The following ERBB4 variants were observed in gnomAD, a reference collection of about 807,000 sequenced individuals.
The protein encoded by ERBB4 is receptor tyrosine-protein kinase erbB-4.
Under a neutral mutation model 158.0 loss-of-function variants are expected in ERBB4, and 42 were observed. The observed-to-expected ratio is 0.27, with a 90% CI of 0.21 to 0.34. ERBB4 has a LOEUF of 0.34. Ranked by LOEUF, ERBB4 falls within the 10% of genes least tolerant of loss-of-function variation. The pLI, the probability that ERBB4 is intolerant of heterozygous loss-of-function variation, is 1.00. For missense variants in ERBB4, 1,333 were observed against 1,624.1 expected (o/e 0.82, Z 3.08); for synonymous variants, 583 against 558.7 (o/e 1.04, Z -0.61).
chr2:212,342,847 A>C (rs2088789694), intron 1 of ERBB4, among the ~76,000 whole-genome samples: 1 of 152,250 alleles, frequency 6.6e-6, no homozygotes, highest in African/African-American at 2.4e-5. Flanking sequence ...TTTTAAAAGT[A>C]GTATTCTTCT....
intron 1 of ERBB4, among the ~76,000 whole-genome samples, chr2:212,193,797 A>C (rs777746291): frequency 6.6e-6 from 1 of 152,142 alleles, no homozygotes; most frequent in Non-Finnish European, 1.5e-5. Context: ...ATGTATGTAG[A>C]TGAGTAATTC....
intron 2 of ERBB4, among the ~76,000 whole-genome samples, chr2:212,103,448 T>A (rs1243387369): frequency 1.3e-5 from 2 of 152,112 alleles, no homozygotes; most frequent in Non-Finnish European, 2.9e-5. Context: ...ATATTATTTT[T>A]AAAAATGCAA....
At chr2:211,944,208 A>ATATATATAG (rs1559155364) in intron 3 of ERBB4, among the ~76,000 whole-genome samples, 2 of 19,466 alleles carry the variant, frequency 1.0e-4, no homozygotes, top group African/African-American at 3.5e-4. Flanking sequence ...TACTATATAT[A>ATATATATAG]TATATACACA....
At position 212,312,599 on chromosome 2, in the gene ERBB4, C is replaced by A. The variant is rs186143881; in HGVS notation, c.83-187696G>T. ...TTCTAATTAAACTATTTTAAGCATG[C>A]AAGCAATATATATAGTTCTGTAAAA... On this transcript the variant is annotated intron_variant, in intron 1 of 27. Coordinates refer to ENST00000342788, the MANE Select transcript of ERBB4 (RefSeq NM_005235.3). 6.6e-3 allele frequency among the ~76,000 whole-genome samples: 994 copies of A among 150,782 alleles called. 9 individuals carry two copies. Among genetic ancestry groups the A allele is most frequent in the African/African-American group, 0.022 (902 of 41,282 alleles).
chr2:211,461,346 G>A (rs1363999142), intron 20 of ERBB4, among the ~76,000 whole-genome samples: 1 of 152,060 alleles, frequency 6.6e-6, no homozygotes, highest in Non-Finnish European at 1.5e-5. Context: ...TGATTTCAAG[G>A]TAGAAGAAAA....
In ERBB4 at chr2:212,182,915, C is replaced by A. The variant is rs547703597; in HGVS notation, c.83-58012G>T. 4.0e-5 allele frequency among the ~76,000 whole-genome samples: 6 copies of A among 151,008 alleles called. No homozygotes were observed. The East Asian group carries it at 9.7e-4, about 25-fold the overall frequency. ...TTGATTTTTAAGATGAATATTTTAA[C>A]CTAATAAATTATAAACAAGAGGAAA... On this transcript the variant is annotated intron_variant, in intron 1 of 27. Coordinates refer to ENST00000342788, the MANE Select transcript of ERBB4 (RefSeq NM_005235.3).
intron 1 of ERBB4, among the ~76,000 whole-genome samples, chr2:212,446,624 T>TATATATATAC: frequency 1.2e-5 from 1 of 80,584 alleles, no homozygotes; most frequent in East Asian, 3.7e-4. Flanking sequence ...TATATATATA[T>TATATATATAC]ATATATATAT....
Position 212,373,800 on chromosome 2 carries a change from C to CATGTATATATCCAT in ERBB4, c.82+164648_82+164649insATGGATATATACAT, listed in dbSNP as rs2090176242. Among the ~76,000 whole-genome samples, 3 of 90,322 alleles carry CATGTATATATCCAT rather than the reference C, an allele frequency of 3.3e-5. 1 individual carries two copies. Among genetic ancestry groups the CATGTATATATCCAT allele is most frequent in the African/African-American group, 1.3e-4 (3 of 23,256 alleles). The allele number at this position is 90,322 out of a possible 152,430, so 59.3% of individuals were successfully genotyped here. A position where few individuals can be genotyped will look rare whatever the true frequency, so the allele number is the denominator to read the frequency against. ...ATGTATATATCCACGTATATATATC[C>CATGTATATATCCAT]ATATATATATCCATGTATATATCCA... On this transcript the variant is annotated intron_variant, in intron 1 of 27. Coordinates refer to ENST00000342788, the MANE Select transcript of ERBB4 (RefSeq NM_005235.3).
rs547769969 is a variant in ERBB4, at chr2:211,567,164, C to T, written c.2302-5076G>A. On this transcript the variant is annotated intron_variant, in intron 19 of 27. Transcript: ENST00000342788. ...GGAAACCAAAACTCAATGAGATTACCGGCCCAGGTCATGTGACTTGTTAGT... is the reference window on the plus strand; with the variant it reads ...GGAAACCAAAACTCAATGAGATTACTGGCCCAGGTCATGTGACTTGTTAGT... Among the ~76,000 whole-genome samples, 12 of 152,268 alleles carry T rather than the reference C, an allele frequency of 7.9e-5. No homozygotes were observed. In the East Asian group the frequency reaches 2.1e-3, roughly 27 times the overall value.
At position 211,788,134 on chromosome 2, in the gene ERBB4, T is replaced by C. The variant is rs1559519858; in HGVS notation, c.447A>G (p.Val149=). ...LTEILNGGVY[V]DQNKFLCYAD... ...CATAACAAAGGAATTTGTTCTGGTC[T>C]ACATAGACTCCACCATTTAGGATTT... The change falls in exon 4 of 28, where the codon GTA becomes GTG. Residue 149 remains valine (V), a synonymous_variant. Transcript: ENST00000342788. 1 of 1,612,698 alleles carries C rather than the reference T, an allele frequency of 6.2e-7. No individual in the cohort carries two copies.
At chr2:211,626,173 T>C (rs182390236) in intron 17 of ERBB4, among the ~76,000 whole-genome samples, 5 of 152,264 alleles carry the variant, frequency 3.3e-5, no homozygotes, top group Admixed American at 3.3e-4. Flanking sequence ...TTCTAGAACA[T>C]TGCCTGGCAT....
rs185051662 is a variant in ERBB4 at position 212,246,421 on chromosome 2, C to T, written c.83-121518G>A. 2.8e-4 allele frequency among the ~76,000 whole-genome samples: 42 copies of T among 152,216 alleles called. 1 individual carries two copies. The highest frequency in any genetic ancestry group is 8.7e-4 in the African/African-American group (36 of 41,534). ...TAGCATGTTATCTACATTTTAATAACGGAAATCAACATTGCATTCCATTTA... is the reference window on the plus strand; with the variant it reads ...TAGCATGTTATCTACATTTTAATAATGGAAATCAACATTGCATTCCATTTA... On this transcript the variant is annotated intron_variant, in intron 1 of 27. Transcript: ENST00000342788.
intron 12 of ERBB4, among the ~76,000 whole-genome samples, chr2:211,679,563 GAAGA>G (rs2072250901): frequency 6.6e-6 from 1 of 152,064 alleles, no homozygotes; most frequent in African/African-American, 2.4e-5. Flanking sequence ...AGAGCTTCAT[GAAGA>G]AATAGAAAAC....
intron 25 of ERBB4, among the ~76,000 whole-genome samples, chr2:211,395,618 G>GACAAACAA (rs34017203): frequency 2.8e-4 from 43 of 152,000 alleles, no homozygotes; most frequent in African/African-American, 1.0e-3. Context: ...TTAATTTTAA[G>GACAAACAA]ACAGATATTA....
At chr2:212,462,020 C>G (rs982173935) in intron 1 of ERBB4, among the ~76,000 whole-genome samples, 1 of 152,090 alleles carries the variant, frequency 6.6e-6, no homozygotes, top group African/African-American at 2.4e-5. Flanking sequence ...CTTTCTTTTT[C>G]AAATTGCCCA....
chr2:211,962,530 C>T (rs552125953), intron 2 of ERBB4, among the ~76,000 whole-genome samples: 1 of 152,100 alleles, frequency 6.6e-6, no homozygotes, highest in South Asian at 2.1e-4. Flanking sequence ...TTACACCAGG[C>T]AATGGGGAAT....
At chr2:212,287,250 G>T (rs2086026165) in intron 1 of ERBB4, among the ~76,000 whole-genome samples, 1 of 151,852 alleles carries the variant, frequency 6.6e-6, no homozygotes, top group Non-Finnish European at 1.5e-5. Context: ...CCCTACAACT[G>T]TCTTGGTAAA....
At chr2:211,869,350 C>T (rs1038442890) in intron 3 of ERBB4, among the ~76,000 whole-genome samples, 13 of 152,182 alleles carry the variant, frequency 8.5e-5, no homozygotes, top group African/African-American at 3.1e-4. Flanking sequence ...ACGTGACATC[C>T]TCCTGCTCTA....
rs545562146 is a variant in ERBB4 at position 211,819,659 on chromosome 2, G to A, written c.422-31500C>T. Among the ~76,000 whole-genome samples, 15 of 152,018 alleles carry A rather than the reference G, an allele frequency of 9.9e-5. 1 individual carries two copies. The South Asian group carries it at 3.1e-3, about 32-fold the overall frequency. ...TTCACAAAGGTCTCAAAATTTTTTAGGTGTAATGGGAAATTATCAAGTAAT... is the reference window on the plus strand; with the variant it reads ...TTCACAAAGGTCTCAAAATTTTTTAAGTGTAATGGGAAATTATCAAGTAAT... On this transcript the variant is annotated intron_variant, in intron 3 of 27. Transcript: ENST00000342788.
Sources: allele counts gnomAD v4.1 joint callset (sites outside exome capture counted in the v4.1 genomes callset), GRCh38; gene constraint gnomAD v4.1.1; transcripts MANE v1.5; gene names NCBI Gene and HGNC (gene_info 2026-07-23, HGNC 2026-07-21).